The following TRIM33 variants were observed in gnomAD, a reference collection of about 807,000 sequenced individuals.
TRIM33 encodes E3 ubiquitin-protein ligase TRIM33.
In TRIM33, 20 loss-of-function variants were observed where a neutral mutation model predicts 125.4. The observed-to-expected ratio is 0.16, with a 90% CI of 0.11 to 0.23. The LOEUF (loss-of-function observed/expected upper bound fraction) is 0.23. TRIM33 is among the 10% of genes least tolerant of loss of function. The pLI, the probability that TRIM33 is intolerant of heterozygous loss-of-function variation, is 1.00. For missense variants in TRIM33, 920 were observed against 1,411.4 expected (o/e 0.65, Z 5.58); for synonymous variants, 564 against 513.9 (o/e 1.10, Z -1.32).
chr1:114,426,935 G>T (rs1391276472), intron 8 of TRIM33, among the ~76,000 whole-genome samples: 4 of 152,052 alleles, frequency 2.6e-5, no homozygotes, highest in African/African-American at 4.8e-5. Context: ...AGGGTCGGGG[G>T]ACTAGAAACA....
At chr1:114,407,194 A>G (rs1652300385) in intron 13 of TRIM33, 94 bp from the exon 14 acceptor site, 2 of 1,045,162 alleles carry the variant, frequency 1.9e-6, no homozygotes, top group African/African-American at 3.2e-5. Flanking sequence ...TAAAGTGAAG[A>G]CAATAGACAA....
chr1:114,414,887 AGAAAAG>A (rs956407441), intron 11 of TRIM33, among the ~76,000 whole-genome samples: 7 of 152,280 alleles, frequency 4.6e-5, no homozygotes, highest in Non-Finnish European at 8.8e-5. Flanking sequence ...CTGGTGAAAA[AGAAAAG>A]GAAGAGAAAA....
chr1:114,453,848 C>T (rs1649475832), intron 4 of TRIM33, among the ~76,000 whole-genome samples: 1 of 152,164 alleles, frequency 6.6e-6, no homozygotes, highest in Non-Finnish European at 1.5e-5. Flanking sequence ...ATATTTTGTG[C>T]ACACTGTCAC....
intron 15 of TRIM33, 42 bp downstream of exon 15, chr1:114,405,368 C>G: frequency 6.9e-7 from 1 of 1,456,296 alleles, no homozygotes; most frequent in Non-Finnish European, 9.4e-7. Flanking sequence ...TTATTTTTAG[C>G]TTATGAAAAT....
chr1:114,458,797 C>A (rs997665116), intron 4 of TRIM33, among the ~76,000 whole-genome samples: 2 of 152,086 alleles, frequency 1.3e-5, no homozygotes, highest in Admixed American at 6.5e-5. Context: ...AACACTTAAA[C>A]TTTGGTTACT....
chr1:114,424,849 AAAAGGGTAT>A (rs1647452752), intron 9 of TRIM33, 94 bp from the exon 10 acceptor site: 1 of 908,768 alleles, frequency 1.1e-6, no homozygotes, highest in Admixed American at 3.6e-5. Context: ...CAGTCAAGAT[AAAAGGGTAT>A]AAAGTAAAAA....
At chr1:114,474,621 T>C (rs1184577831) in intron 1 of TRIM33, among the ~76,000 whole-genome samples, 3 of 144,456 alleles carry the variant, frequency 2.1e-5, no homozygotes, top group East Asian at 4.1e-4. Flanking sequence ...CAGTGGCTCA[T>C]GCCTGTAATC....
At chr1:114,456,529 A>G (rs904053996) in intron 4 of TRIM33, among the ~76,000 whole-genome samples, 6 of 152,132 alleles carry the variant, frequency 3.9e-5, no homozygotes, top group African/African-American at 1.4e-4. Flanking sequence ...AAACATATAA[A>G]ATATATAGCA....
rs751459482 is a variant in TRIM33 at position 114,410,283 on chromosome 1, G to C, written c.2095C>G (p.Leu699Val). 3.7e-6 allele frequency: 6 copies of C among 1,613,770 alleles called. No individual in the cohort carries two copies. The South Asian group carries it at 5.5e-5, about 15-fold the overall frequency. ...EDAGSSSLDN[L>V]LSRYISGSHL... ...CTGCCTGAGATGTATCTACTTAGTAGATTATCTAAACTACTTGAGCCAGCA... is the reference window on the plus strand; with the variant it reads ...CTGCCTGAGATGTATCTACTTAGTACATTATCTAAACTACTTGAGCCAGCA... The change falls in exon 12 of 20, where the codon CTA becomes GTA. Residue 699 changes from leucine to valine, a missense_variant. Leu to Val is a conservative substitution (Grantham distance 32, BLOSUM62 1). This residue lies in a region of TRIM33 where 407 missense variants were observed against 589.7 expected (regional missense o/e 0.69). Coordinates refer to ENST00000358465, the MANE Select transcript of TRIM33 (RefSeq NM_015906.4).
At chr1:114,402,635 C>T (rs1020313319) in intron 16 of TRIM33, 125 bp downstream of exon 16, 1 of 1,106,456 alleles carries the variant, frequency 9.0e-7, no homozygotes, top group Non-Finnish European at 1.3e-6. Flanking sequence ...AATATACCAT[C>T]AGATGACAGG....
At chr1:114,464,500 T>A in intron 1 of TRIM33, 112 bp from the exon 2 acceptor site, 1 of 567,392 alleles carries the variant, frequency 1.8e-6, no homozygotes, top group Non-Finnish European at 3.1e-6. Flanking sequence ...GAAATGAGCA[T>A]CAAGAGCTCA....
intron 9 of TRIM33, among the ~76,000 whole-genome samples, 195 bp from the exon 10 acceptor site, chr1:114,424,950 G>GTC (rs374396183): frequency 1.6e-4 from 22 of 137,782 alleles, no homozygotes; most frequent in Admixed American, 3.6e-4. Flanking sequence ...AATTTCCCTT[G>GTC]TCTCTCTCTC....
chr1:114,481,689 ATG>A (rs1491112340), intron 1 of TRIM33, among the ~76,000 whole-genome samples: 3 of 142,060 alleles, frequency 2.1e-5, no homozygotes, highest in African/African-American at 7.9e-5. Context: ...ATATATATAT[ATG>A]TGTGTATATA....
At chr1:114,436,464 G>T (rs896156887) in intron 4 of TRIM33, among the ~76,000 whole-genome samples, 1 of 150,134 alleles carries the variant, frequency 6.7e-6, no homozygotes, top group Non-Finnish European at 1.5e-5. Flanking sequence ...TATTTTCAGA[G>T]AGTTTTTTTG....
At chr1:114,436,346 G>A (rs1648295055) in intron 4 of TRIM33, among the ~76,000 whole-genome samples, 1 of 133,824 alleles carries the variant, frequency 7.5e-6, no homozygotes, top group African/African-American at 2.8e-5. Flanking sequence ...AGATTGCAGT[G>A]AGCCAAGATC....
chr1:114,400,269 G>A (rs1007591379), intron 17 of TRIM33, among the ~76,000 whole-genome samples: 5 of 152,096 alleles, frequency 3.3e-5, no homozygotes, highest in African/African-American at 4.8e-5. Context: ...TGGTGCAGTG[G>A]CGCCAACTGT....
chr1:114,432,807 G>A (rs905957834), intron 5 of TRIM33, among the ~76,000 whole-genome samples: 1 of 151,976 alleles, frequency 6.6e-6, no homozygotes, highest in Non-Finnish European at 1.5e-5. Flanking sequence ...GTTCTACCAT[G>A]TGTAAAGTAC....
chr1:114,499,027 GA>G (rs748434098), intron 1 of TRIM33, among the ~76,000 whole-genome samples: 6 of 152,114 alleles, frequency 3.9e-5, no homozygotes, highest in Non-Finnish European at 7.4e-5. Context: ...ATAAACAAAT[GA>G]AACCCAACTG....
At chr1:114,508,724 T>C (rs1261621270) in intron 1 of TRIM33, among the ~76,000 whole-genome samples, 2 of 152,124 alleles carry the variant, frequency 1.3e-5, no homozygotes, top group African/African-American at 4.8e-5. Flanking sequence ...CCAATCTCAA[T>C]ACACTCCCCC....
Sources: allele counts gnomAD v4.1 joint callset (sites outside exome capture counted in the v4.1 genomes callset), GRCh38; gene constraint gnomAD v4.1.1; regional missense constraint gnomAD v4.1.1; transcripts MANE v1.5; gene names NCBI Gene and HGNC (gene_info 2026-07-23, HGNC 2026-07-21).